The following DTD1 variants were observed in gnomAD, a reference collection of about 807,000 sequenced individuals.
DTD1 encodes the protein D-aminoacyl-tRNA deacylase 1.
Under a neutral mutation model 25.6 loss-of-function variants are expected in DTD1, and 13 were observed. The ratio of observed to expected loss-of-function variants is 0.51; its 90% confidence interval spans 0.33 to 0.81. The LOEUF is 0.81. Among genes scored for constraint, DTD1 ranks in the 30% least tolerant of loss-of-function variants. DTD1 has a pLI of 0.02. For missense variants in DTD1, 193 were observed against 266.4 expected (o/e 0.72, Z 1.92); for synonymous variants, 110 against 103.6 (o/e 1.06, Z -0.37).
chr20:18,653,868 A>G (rs140774050), intron 4 of DTD1, among the ~76,000 whole-genome samples: 4 of 152,342 alleles, frequency 2.6e-5, no homozygotes, highest in Non-Finnish European at 5.9e-5. Flanking sequence ...TAAAGTTTCA[A>G]ATCCATGCAC....
At chr20:18,660,296 T>C (rs2060904911) in intron 4 of DTD1, among the ~76,000 whole-genome samples, 1 of 152,226 alleles carries the variant, frequency 6.6e-6, no homozygotes, top group African/African-American at 2.4e-5. Context: ...CATGGCTTAC[T>C]GCAGCCTCAA....
intron 4 of DTD1, among the ~76,000 whole-genome samples, chr20:18,713,616 GTA>G (rs1367050246): frequency 6.6e-6 from 1 of 152,182 alleles, no homozygotes; most frequent in Non-Finnish European, 1.5e-5. Flanking sequence ...TCTTCTGACC[GTA>G]TCCTCCGTTC....
At chr20:18,589,751 T>C (rs2060581676) in intron 1 of DTD1, among the ~76,000 whole-genome samples, 1 of 152,224 alleles carries the variant, frequency 6.6e-6, no homozygotes, top group Admixed American at 6.5e-5. Flanking sequence ...ATCTGGAATA[T>C]TGAAAATGTG....
Position 18,613,236 on chromosome 20 carries a change from C to T in DTD1, c.371-14891C>T, listed in dbSNP as rs149825905. Among the ~76,000 whole-genome samples the T allele has an allele frequency of 2.0e-5, 3 of 152,318 alleles. No homozygotes were observed. The East Asian group carries it at 5.8e-4, about 29-fold the overall frequency. Reference sequence around the variant, plus strand: ...TTTATCTGTCAGCCCTTGTGCTAGGCTCTGGGTATACAGTGCCGAGTAAGA... The same window carrying T: ...TTTATCTGTCAGCCCTTGTGCTAGGTTCTGGGTATACAGTGCCGAGTAAGA... On this transcript the variant is annotated intron_variant, in intron 3 of 5. Transcript: ENST00000377452.
chr20:18,656,912 A>G (rs936887432), intron 4 of DTD1, among the ~76,000 whole-genome samples: 1 of 152,198 alleles, frequency 6.6e-6, no homozygotes, highest in South Asian at 2.1e-4. Context: ...AATAAATTCC[A>G]GTTTTTAAAC....
At chr20:18,727,048 G>T (rs2061224856) in intron 4 of DTD1, among the ~76,000 whole-genome samples, 1 of 152,238 alleles carries the variant, frequency 6.6e-6, no homozygotes, top group Non-Finnish European at 1.5e-5. Context: ...CCGTGGCTAT[G>T]GGGAATGAGC....
intron 4 of DTD1, among the ~76,000 whole-genome samples, chr20:18,642,271 C>T (rs1288311896): frequency 1.3e-5 from 2 of 152,108 alleles, no homozygotes; most frequent in African/African-American, 4.8e-5. Flanking sequence ...CTTCAGCCTC[C>T]ATAATTTACC....
chr20:18,617,681 T>A (rs1179583185), intron 3 of DTD1, among the ~76,000 whole-genome samples: 2 of 152,204 alleles, frequency 1.3e-5, no homozygotes, highest in Non-Finnish European at 2.9e-5. Context: ...TTTTTCTTGC[T>A]CTCTAGAGGT....
At chr20:18,646,426 GGGGCAATACAAAT>G (rs753263405) in intron 4 of DTD1, among the ~76,000 whole-genome samples, 53 of 152,148 alleles carry the variant, frequency 3.5e-4, no homozygotes, top group Non-Finnish European at 6.6e-4. Flanking sequence ...GTTAAAGGCT[GGGGCAATACAAAT>G]GATGCTGAGT....
At chr20:18,633,016 A>G (rs1354472214) in intron 4 of DTD1, among the ~76,000 whole-genome samples, 2 of 152,196 alleles carry the variant, frequency 1.3e-5, no homozygotes, top group Admixed American at 1.3e-4. Flanking sequence ...ATTTTGGGCA[A>G]CATAAACCTG....
At chr20:18,636,475 G>A (rs945183196) in intron 4 of DTD1, among the ~76,000 whole-genome samples, 1 of 152,240 alleles carries the variant, frequency 6.6e-6, no homozygotes, top group South Asian at 2.1e-4. Context: ...TCTAAAAAAT[G>A]CAGCACTTGC....
rs1568651799 is a variant in DTD1, at chr20:18,629,295, C to CA, written c.477+1062_477+1063insA. On this transcript the variant is annotated intron_variant, in intron 4 of 5. Coordinates refer to ENST00000377452, the MANE Select transcript of DTD1 (RefSeq NM_080820.6). Reference sequence around the variant, plus strand: ...ACAGGTGTAATCCCACTGTGCTCGGCCTTTTTTTTTTTTTTTTTTTTTTGA... The same window carrying CA: ...ACAGGTGTAATCCCACTGTGCTCGGCACTTTTTTTTTTTTTTTTTTTTTTGA... Among the ~76,000 whole-genome samples the CA allele has an allele frequency of 1.0e-4, 7 of 69,870 alleles. No individual in the cohort carries two copies. In the East Asian group the frequency reaches 2.4e-3, roughly 24 times the overall value. The allele number at this position is 69,870 out of a possible 152,430, so 45.8% of individuals were successfully genotyped here.
In DTD1 at chr20:18,749,519, A is replaced by G. The variant is rs1399617220; in HGVS notation, c.*19+5248A>G. On this transcript the variant is annotated intron_variant, in intron 5 of 5. Transcript: ENST00000377452. This position sits in a 1 kb window ranked among gnomAD's most constrained non-coding sequence, Gnocchi z 4.2. ...ATGGCCTCAGCTCTTCATAGCACTG[A>G]CAGTCCCTCCAGGTCTCAGCTGTGA... 6.6e-6 allele frequency among the ~76,000 whole-genome samples: 1 copy of G among 152,112 alleles called. No homozygotes were observed. Among genetic ancestry groups the G allele is most frequent in the Non-Finnish European group, 1.5e-5 (1 of 68,000 alleles).
At chr20:18,716,378 A>C (rs532299345) in intron 4 of DTD1, among the ~76,000 whole-genome samples, 1 of 152,194 alleles carries the variant, frequency 6.6e-6, no homozygotes, top group African/African-American at 2.4e-5. Context: ...TGGTTGGGGA[A>C]GCAGCATCAT....
chr20:18,595,970 C>G (rs763536456), intron 2 of DTD1, 36 bp from the exon 3 acceptor site: 105 of 1,587,404 alleles, frequency 6.6e-5, no homozygotes, highest in Non-Finnish European at 8.0e-5. Flanking sequence ...GGCTTGTGAT[C>G]TCTCAGGTAG....
intron 4 of DTD1, chr20:18,643,518 T>C (rs1320868919): frequency 6.3e-6 from 1 of 159,488 alleles, no homozygotes; most frequent in East Asian, 1.8e-4. Context: ...GTAAAGTTTT[T>C]GATTGAAGCT....
chr20:18,728,360 A>G (rs2061229625), intron 4 of DTD1, among the ~76,000 whole-genome samples: 1 of 152,222 alleles, frequency 6.6e-6, no homozygotes, highest in Non-Finnish European at 1.5e-5. Flanking sequence ...ACTCTGATTG[A>G]AAACCGTGCT....
At chr20:18,723,661 T>A (rs1022001536) in intron 4 of DTD1, among the ~76,000 whole-genome samples, 47 of 152,228 alleles carry the variant, frequency 3.1e-4, no homozygotes, top group Non-Finnish European at 6.6e-4. Context: ...AATAGTCTGT[T>A]TGAGAATTAT....
intron 4 of DTD1, among the ~76,000 whole-genome samples, chr20:18,672,480 AG>A (rs1454671118): frequency 6.6e-6 from 1 of 152,130 alleles, no homozygotes; most frequent in Non-Finnish European, 1.5e-5. Context: ...TTCACCAAAA[AG>A]CTTATCAATA....
Sources: gnomAD v4.1 joint callset for allele counts (sites outside exome capture counted in the v4.1 genomes callset) on GRCh38, gnomAD v4.1.1 for gene constraint, Gnocchi (gnomAD v3.1) non-coding constraint, MANE v1.5 for transcripts, NCBI Gene and HGNC (gene_info 2026-07-23, HGNC 2026-07-21) for gene names.